The following ANO6 variants were observed in gnomAD, a reference collection of about 807,000 sequenced individuals.
ANO6 encodes the protein anoctamin 6, also known as anoctamin-6.
In ANO6, 106 loss-of-function variants were observed where a neutral mutation model predicts 117.5. The observed-to-expected ratio is 0.90, with a 90% CI of 0.77 to 1.06. The LOEUF (loss-of-function observed/expected upper bound fraction) is 1.06, where lower values mean the gene tolerates loss of function less well. Among genes scored for constraint, ANO6 ranks in the 50% least tolerant of loss-of-function variants. The probability of loss-of-function intolerance (pLI) is 0.00; values close to 1 mark genes in which losing one functional copy is unlikely to be tolerated. For missense variants in ANO6, 955 were observed against 1,121.1 expected (o/e 0.85, Z 2.12); for synonymous variants, 367 against 385.1 (o/e 0.95, Z 0.55).
intron 3 of ANO6, among the ~76,000 whole-genome samples, chr12:45,333,985 G>T (rs920947125): frequency 6.6e-6 from 1 of 152,002 alleles, no homozygotes; most frequent in Non-Finnish European, 1.5e-5. Flanking sequence ...GAGAAAGATA[G>T]AAGTGACAGG....
At chr12:45,219,778 C>T (rs1947369114) in intron 1 of ANO6, among the ~76,000 whole-genome samples, 1 of 152,178 alleles carries the variant, frequency 6.6e-6, no homozygotes, top group South Asian at 2.1e-4. Flanking sequence ...TTTCCAAAGG[C>T]GTGCTTGTGT....
chr12:45,271,633 C>T (rs986551591), intron 1 of ANO6, among the ~76,000 whole-genome samples: 1 of 152,070 alleles, frequency 6.6e-6, no homozygotes, highest in Non-Finnish European at 1.5e-5. Flanking sequence ...TCTATTTTTA[C>T]TGGAAAAGTA....
At chr12:45,359,312 A>G (rs1224023987) in intron 8 of ANO6, among the ~76,000 whole-genome samples, 1 of 152,206 alleles carries the variant, frequency 6.6e-6, no homozygotes, top group Non-Finnish European at 1.5e-5. Context: ...GTATGTAATA[A>G]AATTGAAAAT....
rs75998317 is a variant in ANO6 at position 45,298,522 on chromosome 12, T to G, written c.71-3492T>G. Among the ~76,000 whole-genome samples, 1,497 of 152,288 alleles carry G rather than the reference T, an allele frequency of 9.8e-3. 25 individuals carry two copies. The highest frequency in any genetic ancestry group is 0.034 in the African/African-American group (1,401 of 41,556). ...GAGCCCCTCAGTAGTGGGGGTAGAA[T>G]TATATTGGCCTCATAAATCATTTGC... On this transcript the variant is annotated intron_variant, in intron 1 of 19. Coordinates refer to ENST00000320560, the MANE Select transcript of ANO6 (RefSeq NM_001025356.3).
chr12:45,248,638 T>G (rs1280920583), intron 1 of ANO6, among the ~76,000 whole-genome samples: 1 of 152,094 alleles, frequency 6.6e-6, no homozygotes, highest in Non-Finnish European at 1.5e-5. Context: ...TTCACCATGC[T>G]GGTCAGGCTG....
intron 2 of ANO6, among the ~76,000 whole-genome samples, chr12:45,317,202 A>G (rs1470438886): frequency 7.0e-6 from 1 of 142,266 alleles, no homozygotes; most frequent in Admixed American, 7.1e-5. Context: ...TACATGTGCC[A>G]TGTTGGTGTG....
chr12:45,291,346 CAA>C (rs747924513), intron 1 of ANO6, among the ~76,000 whole-genome samples: 1,025 of 48,148 alleles, frequency 0.021, no homozygotes, highest in African/African-American at 0.077. Flanking sequence ...AACTCCGTCT[CAA>C]AAAAAAAAAA....
At chr12:45,377,213 A>G (rs1315255634) in intron 9 of ANO6, among the ~76,000 whole-genome samples, 2 of 151,836 alleles carry the variant, frequency 1.3e-5, no homozygotes, top group Non-Finnish European at 2.9e-5. Flanking sequence ...CATAAAGTAG[A>G]TATAATATGC....
chr12:45,320,423 G>T (rs1940219050), intron 2 of ANO6, among the ~76,000 whole-genome samples: 1 of 152,126 alleles, frequency 6.6e-6, no homozygotes, highest in Non-Finnish European at 1.5e-5. Context: ...ATGTAGTTGA[G>T]CGGTTTTGAG....
chr12:45,256,856 ATTTCT>A (rs1276385308), intron 1 of ANO6: 3 of 152,164 alleles, frequency 2.0e-5, no homozygotes, highest in Admixed American at 6.5e-5. Context: ...AGCAGAAAAC[ATTTCT>A]TTTCACATTT....
intron 2 of ANO6, chr12:45,313,384 GTGT>G (rs1939908335): frequency 6.6e-6 from 1 of 152,148 alleles, no homozygotes; most frequent in East Asian, 1.9e-4. Context: ...CCTCACTGGA[GTGT>G]TGTTCAGTGA....
intron 1 of ANO6, among the ~76,000 whole-genome samples, chr12:45,218,351 C>T (rs2137113693): frequency 6.6e-6 from 1 of 151,324 alleles, no homozygotes; most frequent in African/African-American, 2.4e-5. Flanking sequence ...TGTTCTAACA[C>T]CCAGTATCTA....
rs775992613 is a variant in ANO6 at position 45,401,783 on chromosome 12, T to A, written c.1387-12T>A. On this transcript the variant is annotated splice_polypyrimidine_tract_variant and intron_variant, in intron 12 of 19. Coordinates refer to ENST00000320560, the MANE Select transcript of ANO6 (RefSeq NM_001025356.3). ...GGTGAGTCTCATGCTACTGTGTTTG[T>A]TGTGCTTTCAGATCCTATTGATCAT... is the stretch of plus-strand genomic sequence containing the variant. 1 of 1,607,766 alleles carries A rather than the reference T, an allele frequency of 6.2e-7. No individual in the cohort carries two copies. Among genetic ancestry groups the A allele is most frequent in the Non-Finnish European group, 8.5e-7 (1 of 1,174,694 alleles).
chr12:45,248,470 G>T lies in ANO6; in HGVS notation c.70+32079G>T, dbSNP rs149916872. Among the ~76,000 whole-genome samples, 18 of 128,448 alleles carry T rather than the reference G, an allele frequency of 1.4e-4. No individual in the cohort carries two copies. The East Asian group carries it at 3.1e-3, about 22-fold the overall frequency. 84.3% of individuals were successfully genotyped at this position (128,448 alleles called of 152,430 possible). A position where few individuals can be genotyped will look rare whatever the true frequency, so the allele number is the denominator to read the frequency against. On this transcript the variant is annotated intron_variant, in intron 1 of 19. Coordinates refer to ENST00000320560, the MANE Select transcript of ANO6 (RefSeq NM_001025356.3). The stretch of plus-strand genomic sequence containing the variant: ...TTTGGTGGGGACAGAGTTGCTCTCT[G>T]TCGCCCAGGCTGGAGTGGAGTGGCA...
At chr12:45,350,014 G>A (rs1301007889) in intron 6 of ANO6, among the ~76,000 whole-genome samples, 1 of 152,194 alleles carries the variant, frequency 6.6e-6, no homozygotes, top group Non-Finnish European at 1.5e-5. Flanking sequence ...AGGGAGGTGT[G>A]TGAAGGTCAG....
Position 45,439,910 on chromosome 12 carries a change from G to GT in ANO6, c.2767dup (p.Ser923PhefsTer55). On this transcript the variant is annotated frameshift_variant, in exon 20 of 20. Transcript: ENST00000425752. LOFTEE classifies it high-confidence loss of function. ...CTACTTTCTTTGGGGCCAACTCCGT[G>GT]TTTTTCTGTATCGAATTTCTTAAGT... 6.7e-7 allele frequency: 1 copy of GT among 1,492,882 alleles called. No individual in the cohort carries two copies. Among genetic ancestry groups the GT allele is most frequent in the Non-Finnish European group, 8.9e-7 (1 of 1,122,394 alleles). 92.5% of individuals were successfully genotyped at this position (1,492,882 alleles called of 1,614,324 possible).
intron 1 of ANO6, among the ~76,000 whole-genome samples, chr12:45,265,595 T>G (rs1396637897): frequency 6.6e-6 from 1 of 152,154 alleles, no homozygotes; most frequent in East Asian, 1.9e-4. Context: ...TTTTACAGAT[T>G]AGGAAGCTGA....
intron 15 of ANO6, among the ~76,000 whole-genome samples, chr12:45,407,287 C>T (rs886893856): frequency 6.6e-6 from 1 of 152,172 alleles, no homozygotes; most frequent in African/African-American, 2.4e-5. Flanking sequence ...TGAATCTGAG[C>T]TTTGATGTGA....
At chr12:45,413,316 G>A (rs1943133839) in intron 16 of ANO6, among the ~76,000 whole-genome samples, 1 of 152,198 alleles carries the variant, frequency 6.6e-6, no homozygotes, top group South Asian at 2.1e-4. Flanking sequence ...AAGTGTTAAA[G>A]CGGTGAATTG....
Sources: allele counts gnomAD v4.1 joint callset (sites outside exome capture counted in the v4.1 genomes callset), GRCh38; gene constraint gnomAD v4.1.1; transcripts MANE v1.5; gene names NCBI Gene and HGNC (gene_info 2026-07-23, HGNC 2026-07-21).